The following UPRT variants were observed in gnomAD, a reference collection of about 807,000 sequenced individuals.
UPRT encodes the protein uracil phosphoribosyltransferase homolog.
In UPRT, 5 loss-of-function variants were observed where a neutral mutation model predicts 22.6. The ratio of observed to expected loss-of-function variants is 0.22; its 90% CI spans 0.12 to 0.47. The LOEUF is 0.47. Ranked by LOEUF, UPRT falls within the 20% of genes least tolerant of loss-of-function variation. The pLI is 0.99. For missense variants in UPRT, 181 were observed against 239.9 expected, an observed-to-expected ratio of 0.75 and a Z score of 1.62; for synonymous variants, 77 against 87.7, an observed-to-expected ratio of 0.88 and a Z score of 0.68.
At chrX:75,161,014 CAT>C (rs1485731158) in intron 2 of UPRT, among the ~76,000 whole-genome samples, 1 of 112,413 alleles carries the variant, frequency 8.9e-6, no homozygotes, top group Non-Finnish European at 1.9e-5. Context: ...TATATAAACA[CAT>C]ACACACATGT....
chrX:75,285,820 C>T (rs1159730708), intron 1 of UPRT, among the ~76,000 whole-genome samples: 1 of 108,532 alleles, frequency 9.2e-6, no homozygotes, highest in Non-Finnish European at 1.9e-5. Context: ...ATGCCTTGCA[C>T]CTGGCAAAAA....
In UPRT at chrX:75,156,422, G is replaced by A. The variant is rs1272519742; in HGVS notation, c.-865G>A. ...TTGAAGATTCGGATGCATTCGCACA[G>A]CCTCTTTTATTTGTTTTTCCTTAGG... On this transcript the variant is annotated 5_prime_UTR_variant, in exon 1 of 14. Transcript: ENST00000652605. 7.9e-6 allele frequency: 5 copies of A among 632,282 alleles called. No homozygotes were observed. The East Asian group carries it at 1.8e-4, about 22-fold the overall frequency. The allele number at this position is 632,282 out of a possible 1,213,427, so 52.1% of individuals were successfully genotyped here.
chrX:75,235,026 T>G (rs1216093145), intron 4 of UPRT, among the ~76,000 whole-genome samples: 1 of 110,736 alleles, frequency 9.0e-6, no homozygotes, highest in Non-Finnish European at 1.9e-5. Flanking sequence ...TCAACAAAAT[T>G]GATAGACTGC....
At chrX:75,172,665 C>T (rs989274433) in intron 4 of UPRT, among the ~76,000 whole-genome samples, 17 of 110,928 alleles carry the variant, frequency 1.5e-4, no homozygotes, top group African/African-American at 3.6e-4. Flanking sequence ...TAGATGTGTT[C>T]GGAGTTTCTT....
chrX:75,258,137 G>T lies in UPRT; in HGVS notation c.-446-32887G>T, dbSNP rs2082555106. On this transcript the variant is annotated intron_variant, in intron 4 of 13. Transcript: ENST00000652605. ...TGGAGCCTATGCCACCAGGGCCCTG[G>T]GTTTCAAACACAAAACTAGGTAGCC... Among the ~76,000 whole-genome samples the T allele has an allele frequency of 4.6e-5, 5 of 109,678 alleles. No homozygotes were observed. The Admixed American group carries it at 4.9e-4, about 11-fold the overall frequency.
chrX:75,161,906 T>C (rs1276680627), intron 2 of UPRT, among the ~76,000 whole-genome samples: 2 of 111,341 alleles, frequency 1.8e-5, no homozygotes, highest in Non-Finnish European at 3.8e-5. Context: ...TGGGCAATCC[T>C]ATGTATTATA....
chrX:75,186,700 C>T (rs757940508), intron 4 of UPRT, among the ~76,000 whole-genome samples: 2 of 103,968 alleles, frequency 1.9e-5, no homozygotes, highest in East Asian at 6.3e-4. Flanking sequence ...ATGAATCTGG[C>T]TGCTCCTGTA....
intron 4 of UPRT, among the ~76,000 whole-genome samples, chrX:75,186,044 T>A (rs1239143117): frequency 9.0e-6 from 1 of 111,658 alleles, no homozygotes; most frequent in Non-Finnish European, 1.9e-5. Flanking sequence ...TGATTTTAGT[T>A]ATTTCTTACC....
At chrX:75,216,955 C>T (rs1448606237) in intron 4 of UPRT, among the ~76,000 whole-genome samples, 1 of 111,509 alleles carries the variant, frequency 9.0e-6, no homozygotes, top group African/African-American at 3.3e-5. Flanking sequence ...GGGGTTTCAC[C>T]GTGTTAGCCA....
chrX:75,291,727 C>T (rs757338891), intron 1 of UPRT, among the ~76,000 whole-genome samples: 3 of 110,807 alleles, frequency 2.7e-5, no homozygotes, highest in Admixed American at 1.9e-4. Context: ...ATCTGAAGTC[C>T]GTCTATACAG....
chrX:75,236,201 G>T (rs1275610092), intron 4 of UPRT, among the ~76,000 whole-genome samples: 1 of 111,397 alleles, frequency 9.0e-6, no homozygotes, highest in Non-Finnish European at 1.9e-5. Context: ...ATTCACAATT[G>T]CTTCAAAGAG....
chrX:75,234,865 C>T (rs1272708174), intron 4 of UPRT, among the ~76,000 whole-genome samples: 1 of 111,328 alleles, frequency 9.0e-6, no homozygotes, highest in Non-Finnish European at 1.9e-5. Flanking sequence ...CTTAACATCA[C>T]AATTAAAAGA....
At chrX:75,271,604 G>A (rs2082608272), upstream of UPRT, among the ~76,000 whole-genome samples, 1 of 112,051 alleles carries the variant, frequency 8.9e-6, no homozygotes, top group South Asian at 3.7e-4. Context: ...TCATGACCAG[G>A]AACACAAAAG....
At chrX:75,159,795 G>A (rs1450235662) in intron 1 of UPRT, among the ~76,000 whole-genome samples, 16 of 40,409 alleles carry the variant, frequency 4.0e-4, no homozygotes, top group Non-Finnish European at 6.0e-4. Context: ...TTTTTTTTTT[G>A]AGATGGAGTC....
intron 4 of UPRT, among the ~76,000 whole-genome samples, chrX:75,170,225 C>A (rs2082223261): frequency 9.1e-6 from 1 of 110,487 alleles, no homozygotes; most frequent in African/African-American, 3.3e-5. Context: ...TTAGTAGAGA[C>A]AGGGTTTTGC....
chrX:75,203,679 C>T (rs1009951782), intron 4 of UPRT, among the ~76,000 whole-genome samples: 1 of 110,389 alleles, frequency 9.1e-6, no homozygotes, highest in African/African-American at 3.4e-5. Context: ...TCTGGGGGGG[C>T]ATGGGCTGCT....
intron 4 of UPRT, among the ~76,000 whole-genome samples, chrX:75,180,291 A>T (rs1375643005): frequency 8.9e-6 from 1 of 112,180 alleles, no homozygotes; most frequent in Non-Finnish European, 1.9e-5. Flanking sequence ...GGACCCAGAT[A>T]GCGCACAGGG....
At chrX:75,204,805 G>A (rs1220685890) in intron 4 of UPRT, among the ~76,000 whole-genome samples, 1 of 111,582 alleles carries the variant, frequency 9.0e-6, no homozygotes, top group Non-Finnish European at 1.9e-5. Flanking sequence ...TTAGTAAGAG[G>A]TGTTTAACAG....
intron 3 of UPRT, 86 bp from the exon 4 acceptor site, chrX:75,297,405 A>G: frequency 2.1e-6 from 2 of 969,329 alleles, no homozygotes; most frequent in South Asian, 4.2e-5. Context: ...CTTTGTGCCC[A>G]TCTACTTTAA....
Sources: gnomAD v4.1 joint callset for allele counts (sites outside exome capture counted in the v4.1 genomes callset) on GRCh38, gnomAD v4.1.1 for gene constraint, MANE v1.5 for transcripts, NCBI Gene and HGNC (gene_info 2026-07-23, HGNC 2026-07-21) for gene names.